Variants in ARSB observed in about 807,000 individuals in gnomAD.
ARSB encodes the protein N-acetylgalactosamine-4-sulfatase.
In ARSB, 41 loss-of-function variants were observed where a neutral mutation model predicts 50.9. The ratio of observed to expected loss-of-function variants is 0.81; its 90% confidence interval spans 0.63 to 1.04. The LOEUF is 1.04. Ranked by LOEUF, ARSB falls within the 50% of genes least tolerant of loss-of-function variation. ARSB has a pLI of 0.00. For missense variants in ARSB, 672 were observed against 693.3 expected (o/e 0.97, Z 0.35); for synonymous variants, 269 against 284.8 (o/e 0.94, Z 0.56).
chr5:78,955,414 T>C lies in ARSB; in HGVS notation c.779A>G (p.Asp260Gly). 1.2e-6 allele frequency: 2 copies of C among 1,614,204 alleles called. No individual in the cohort carries two copies. Among genetic ancestry groups the C allele is most frequent in the Non-Finnish European group, 1.7e-6 (2 of 1,180,034 alleles). The change falls in exon 4 of 8, where the codon GAC becomes GGC. Residue 260 changes from aspartate (D) to glycine (G), a missense_variant. Coordinates refer to ENST00000264914, the MANE Select transcript of ARSB (RefSeq NM_000046.5). ...TCCTGCATAGTGATGCCTGTTCTTG[T>C]CTTGGATAAAGTCATATGGCTTCAA... Reference protein sequence around the residue: ...EYLKPYDFIQDKNRHHYAGMV... With the variant: ...EYLKPYDFIQGKNRHHYAGMV...
intron 5 of ARSB, among the ~76,000 whole-genome samples, chr5:78,841,158 AC>A (rs1745184901): frequency 7.4e-6 from 1 of 135,904 alleles, no homozygotes; most frequent in African/African-American, 2.8e-5. Flanking sequence ...TACTACTACT[AC>A]TACTACTACT....
chr5:78,933,442 G>A (rs139586287), intron 4 of ARSB, among the ~76,000 whole-genome samples: 63 of 152,260 alleles, frequency 4.1e-4, no homozygotes, highest in African/African-American at 1.5e-3. Flanking sequence ...TATCTTCACA[G>A]TCACTCACAA....
intron 6 of ARSB, among the ~76,000 whole-genome samples, chr5:78,783,952 A>G (rs1174511233): frequency 1.3e-5 from 2 of 152,208 alleles, no homozygotes; most frequent in Admixed American, 1.3e-4. Flanking sequence ...ACACCCTATG[A>G]GCCATCACCC....
At chr5:78,936,553 T>G (rs1196089214) in intron 4 of ARSB, among the ~76,000 whole-genome samples, 1 of 152,076 alleles carries the variant, frequency 6.6e-6, no homozygotes, top group Non-Finnish European at 1.5e-5. Flanking sequence ...AACCCTTAAC[T>G]TGAATCAAAA....
At chr5:78,842,146 G>A (rs1213343400) in intron 5 of ARSB, among the ~76,000 whole-genome samples, 1 of 151,924 alleles carries the variant, frequency 6.6e-6, no homozygotes, top group Non-Finnish European at 1.5e-5. Flanking sequence ...CACAGAAACT[G>A]CATGGTTAAT....
chr5:78,912,830 G>A (rs1224495959), intron 4 of ARSB, among the ~76,000 whole-genome samples: 1 of 152,182 alleles, frequency 6.6e-6, no homozygotes, highest in African/African-American at 2.4e-5. Flanking sequence ...CCATTTCCAT[G>A]TCTTGATAAA....
chr5:78,911,828 G>A (rs1749326041), intron 4 of ARSB, among the ~76,000 whole-genome samples: 1 of 152,106 alleles, frequency 6.6e-6, no homozygotes, highest in Admixed American at 6.6e-5. Context: ...GGTCAAGATA[G>A]ATTAAATGAT....
chr5:78,821,733 C>A (rs938992331), intron 6 of ARSB, among the ~76,000 whole-genome samples: 5 of 152,226 alleles, frequency 3.3e-5, no homozygotes, highest in Admixed American at 1.3e-4. Context: ...TTCAATAACA[C>A]TTTGCCAGCA....
chr5:78,847,432 C>A (rs577513202), intron 5 of ARSB, among the ~76,000 whole-genome samples: 1 of 152,070 alleles, frequency 6.6e-6, no homozygotes, highest in Non-Finnish European at 1.5e-5. Flanking sequence ...TGGCTGTGAA[C>A]GATCTTTTTA....
intron 1 of ARSB, among the ~76,000 whole-genome samples, chr5:78,972,545 C>A (rs62377893): frequency 1.4e-5 from 1 of 71,992 alleles, no homozygotes; most frequent in East Asian, 2.7e-4. Flanking sequence ...ACACACACAC[C>A]CCAAATCAAA....
intron 4 of ARSB, among the ~76,000 whole-genome samples, chr5:78,908,207 T>C (rs1749151164): frequency 6.6e-6 from 1 of 152,208 alleles, no homozygotes; most frequent in East Asian, 1.9e-4. Flanking sequence ...GTATCATACT[T>C]GTGCCTCTCA....
chr5:78,921,981 G>A (rs1243233244), intron 4 of ARSB, among the ~76,000 whole-genome samples: 3 of 152,044 alleles, frequency 2.0e-5, no homozygotes, highest in Non-Finnish European at 4.4e-5. Flanking sequence ...AAGCAACACC[G>A]GCAGAATTCA....
chr5:78,895,840 C>G (rs976207450), intron 4 of ARSB, among the ~76,000 whole-genome samples: 1 of 152,174 alleles, frequency 6.6e-6, no homozygotes, highest in Non-Finnish European at 1.5e-5. Flanking sequence ...AGCAATCACT[C>G]AGAGCCAGGG....
chr5:78,825,759 TC>T (rs1470500767), intron 6 of ARSB, among the ~76,000 whole-genome samples: 1 of 152,162 alleles, frequency 6.6e-6, no homozygotes, highest in Non-Finnish European at 1.5e-5. Flanking sequence ...ACTATTTTTT[TC>T]GAAGGAGTTT....
chr5:78,828,093 C>G (rs1744511773), intron 6 of ARSB, among the ~76,000 whole-genome samples: 1 of 152,092 alleles, frequency 6.6e-6, no homozygotes, highest in Non-Finnish European at 1.5e-5. Context: ...TAAAAAAAAT[C>G]TGCAATCGAT....
chr5:78,828,810 G>T (rs189565120), intron 6 of ARSB, among the ~76,000 whole-genome samples: 2 of 152,274 alleles, frequency 1.3e-5, no homozygotes, highest in Non-Finnish European at 2.9e-5. Context: ...CGGCAAAGGG[G>T]CATTCAGGCT....
At chr5:78,859,580 A>T (rs3114493) in intron 5 of ARSB, among the ~76,000 whole-genome samples, 31 of 152,152 alleles carry the variant, frequency 2.0e-4, no homozygotes, top group African/African-American at 6.8e-4. Context: ...ATTTTCACTA[A>T]TGCCAATGCT....
intron 5 of ARSB, among the ~76,000 whole-genome samples, chr5:78,858,947 T>G (rs1201608411): frequency 6.6e-6 from 1 of 152,262 alleles, no homozygotes; most frequent in Non-Finnish European, 1.5e-5. Flanking sequence ...ATGTAACTAT[T>G]ATTACATTTT....
intron 5 of ARSB, among the ~76,000 whole-genome samples, chr5:78,843,841 A>G (rs536284623): frequency 2.6e-5 from 4 of 152,318 alleles, no homozygotes; most frequent in South Asian, 4.1e-4. Flanking sequence ...TTCACTTAGC[A>G]TAATGTTTTC....
Sources: gnomAD v4.1 joint callset for allele counts (sites outside exome capture counted in the v4.1 genomes callset) on GRCh38, gnomAD v4.1.1 for gene constraint, MANE v1.5 for transcripts, NCBI Gene and HGNC (gene_info 2026-07-23, HGNC 2026-07-21) for gene names.